Variants in TENM4 observed in about 807,000 individuals in gnomAD.
The protein encoded by TENM4 is teneurin-4.
Under a neutral mutation model 243.3 loss-of-function variants are expected in TENM4, and 82 were observed. The observed-to-expected ratio is 0.34, with a 90% CI of 0.28 to 0.40. The LOEUF (loss-of-function observed/expected upper bound fraction) is 0.40, where lower values mean the gene tolerates loss of function less well. TENM4 is among the 10% of genes least tolerant of loss of function. TENM4 has a pLI of 1.00. For synonymous variants in TENM4, 1,412 were observed against 1,456.3 expected (o/e 0.97, Z 0.69); for missense variants, 3,138 against 3,673.3 (o/e 0.85, Z 3.77).
Position 78,726,081 on chromosome 11 carries a change from C to G in TENM4, c.3548G>C (p.Ser1183Thr). The G allele has an allele frequency of 6.2e-7, 1 of 1,613,954 alleles. No individual in the cohort carries two copies. The highest frequency in any genetic ancestry group is 1.3e-5 in the African/African-American group (1 of 75,070). The change falls in exon 23 of 34, where the codon AGT (serine) becomes ACT (threonine). Residue 1183 changes from serine to threonine, a missense_variant and splice_region_variant. This residue lies in a region of TENM4 where 2,467 missense variants were observed against 3,059.1 expected (regional missense o/e 0.81). Coordinates refer to ENST00000278550, the MANE Select transcript of TENM4 (RefSeq NM_001098816.3). ...AGTAATTCTATTAATCCACTTACCACTTTGAATGTTGAGGGCATGATGTTT... is the reference window on the plus strand; with the variant it reads ...AGTAATTCTATTAATCCACTTACCAGTTTGAATGTTGAGGGCATGATGTTT... ...LDKHHALNIQ[S>T]GILHKGNGEN... is the part of the protein sequence containing the mutation.
chr11:78,818,557 C>T (rs1000221999), intron 12 of TENM4, among the ~76,000 whole-genome samples: 1 of 152,084 alleles, frequency 6.6e-6, no homozygotes, highest in Non-Finnish European at 1.5e-5. Context: ...TGATAAAATG[C>T]TTATGTATAT....
intron 6 of TENM4, among the ~76,000 whole-genome samples, chr11:78,968,821 T>C (rs1354573810): frequency 6.6e-6 from 1 of 151,834 alleles, no homozygotes; most frequent in Admixed American, 6.6e-5. Flanking sequence ...GTGGTGAGAG[T>C]GAAATTCATC....
intron 6 of TENM4, among the ~76,000 whole-genome samples, chr11:78,989,038 C>A (rs545925742): frequency 9.2e-5 from 14 of 152,284 alleles, no homozygotes; most frequent in South Asian, 6.2e-4. Context: ...CAGACCTCAG[C>A]CACTGCACAC....
chr11:78,991,025 G>A (rs1565157615), intron 6 of TENM4, among the ~76,000 whole-genome samples: 1 of 152,148 alleles, frequency 6.6e-6, no homozygotes, highest in Non-Finnish European at 1.5e-5. Flanking sequence ...TGCTGCATAG[G>A]TGAGATCAGA....
At chr11:78,868,886 A>G (rs1389299958) in intron 9 of TENM4, among the ~76,000 whole-genome samples, 1 of 151,720 alleles carries the variant, frequency 6.6e-6, no homozygotes, top group African/African-American at 2.4e-5. Context: ...CCACGCAGCT[A>G]CCCACTTTTC....
At chr11:79,201,143 T>G (rs1055351269) in intron 3 of TENM4, among the ~76,000 whole-genome samples, 3 of 152,218 alleles carry the variant, frequency 2.0e-5, no homozygotes, top group African/African-American at 7.2e-5. Context: ...TGATCTTGGC[T>G]GGAAGAAGGC....
At chr11:79,372,916 A>G (rs1411138066) in intron 1 of TENM4, among the ~76,000 whole-genome samples, 1 of 152,158 alleles carries the variant, frequency 6.6e-6, no homozygotes, top group East Asian at 1.9e-4. Flanking sequence ...ACACAAATGG[A>G]CTCCACAGCC....
chr11:78,906,833 G>A (rs1306304723), intron 6 of TENM4, among the ~76,000 whole-genome samples: 1 of 152,170 alleles, frequency 6.6e-6, no homozygotes. Flanking sequence ...TCTTCTCTGT[G>A]CTGGGTGAAC....
intron 4 of TENM4, among the ~76,000 whole-genome samples, chr11:79,112,165 T>C (rs1187445017): frequency 6.6e-6 from 1 of 152,094 alleles, no homozygotes; most frequent in East Asian, 1.9e-4. Flanking sequence ...TTGAAAGAGA[T>C]GCACGTGTGC....
intron 6 of TENM4, among the ~76,000 whole-genome samples, chr11:79,002,839 G>A (rs556720080): frequency 1.3e-5 from 2 of 152,268 alleles, no homozygotes; most frequent in East Asian, 3.9e-4. Context: ...TTCACAATAT[G>A]CATAGGAGCA....
chr11:78,757,719 C>T (rs1254107734), intron 18 of TENM4, among the ~76,000 whole-genome samples: 3 of 152,224 alleles, frequency 2.0e-5, no homozygotes, highest in South Asian at 4.1e-4. Flanking sequence ...AGTGAAGGCA[C>T]AGCAATTCTC....
chr11:79,136,013 C>T (rs1862103303), intron 4 of TENM4, among the ~76,000 whole-genome samples: 1 of 151,632 alleles, frequency 6.6e-6, no homozygotes, highest in Admixed American at 6.6e-5. Context: ...AACAATGATA[C>T]AATGGATTTT....
At chr11:79,010,638 A>T (rs1393518977) in intron 6 of TENM4, among the ~76,000 whole-genome samples, 1 of 152,158 alleles carries the variant, frequency 6.6e-6, no homozygotes, top group Non-Finnish European at 1.5e-5. Flanking sequence ...CTGTGCAGGG[A>T]AACTCCCCCT....
chr11:78,850,991 T>A (rs1171697181), intron 12 of TENM4, among the ~76,000 whole-genome samples: 3 of 152,182 alleles, frequency 2.0e-5, no homozygotes, highest in African/African-American at 7.2e-5. Flanking sequence ...CAGGATCCCC[T>A]GGGCTTCACC....
chr11:78,971,529 T>G (rs1211505503), intron 6 of TENM4, among the ~76,000 whole-genome samples: 1 of 152,048 alleles, frequency 6.6e-6, no homozygotes, highest in East Asian at 1.9e-4. Flanking sequence ...TCTCAATCTC[T>G]TGACCTTATG....
chr11:78,804,313 T>G (rs565214504), intron 15 of TENM4, among the ~76,000 whole-genome samples: 1 of 152,346 alleles, frequency 6.6e-6, no homozygotes, highest in Admixed American at 6.5e-5. Flanking sequence ...ATGCACACTC[T>G]ACGAAGGCAG....
intron 6 of TENM4, among the ~76,000 whole-genome samples, chr11:78,922,808 G>T (rs1050554570): frequency 1.3e-5 from 2 of 152,168 alleles, no homozygotes; most frequent in Non-Finnish European, 2.9e-5. Context: ...GAGGTTAGGT[G>T]CACCCGGAGG....
chr11:78,694,368 G>A (rs1290858207), intron 28 of TENM4, among the ~76,000 whole-genome samples: 1 of 152,172 alleles, frequency 6.6e-6, no homozygotes, highest in African/African-American at 2.4e-5. Context: ...TGTAATAGAT[G>A]TCATCACGAC....
intron 4 of TENM4, among the ~76,000 whole-genome samples, chr11:79,077,666 G>T (rs1860567135): frequency 6.6e-6 from 1 of 152,162 alleles, no homozygotes; most frequent in African/African-American, 2.4e-5. Context: ...AATGAACCTG[G>T]CACAGACAAA....
Sources: gnomAD v4.1 joint callset for allele counts (sites outside exome capture counted in the v4.1 genomes callset) on GRCh38, gnomAD v4.1.1 for gene constraint, gnomAD v4.1.1 regional missense constraint, MANE v1.5 for transcripts, NCBI Gene and HGNC (gene_info 2026-07-23, HGNC 2026-07-21) for gene names.